The following RPL3L variants were observed in gnomAD, a reference collection of about 807,000 sequenced individuals.
RPL3L encodes the protein ribosomal protein uL3-like.
A neutral mutation model predicts 44.5 loss-of-function variants in RPL3L; 44 were observed. The observed-to-expected ratio is 0.99, with a 90% CI of 0.78 to 1.27. RPL3L has a LOEUF of 1.27. Among genes scored for constraint, RPL3L ranks in the 50% most tolerant of loss-of-function variants. The pLI is 0.00. For missense variants in RPL3L, 631 were observed against 569.1 expected, an observed-to-expected ratio of 1.11 and a Z score of -1.11; for synonymous variants, 292 against 230.7, an observed-to-expected ratio of 1.27 and a Z score of -2.41.
chr16:1,947,375 T>G lies in RPL3L; in HGVS notation c.507A>C (p.Lys169Asn). Residue 169 changes from lysine (K) to asparagine (N), a missense_variant, in exon 5 of 10, where the codon AAA (lysine) becomes AAC (asparagine). Transcript: ENST00000268661. ...VIRVIVHTQM[K>N]LLPFRQKKAH... Reference sequence around the variant, plus strand: ...CCTTCTTCTGCCGGAAGGGCAGCAGTTTCATCTGCAGGACATGGCCGGAGG... The same window carrying G: ...CCTTCTTCTGCCGGAAGGGCAGCAGGTTCATCTGCAGGACATGGCCGGAGG... 1 of 1,581,876 alleles carries G rather than the reference T, an allele frequency of 6.3e-7. No individual in the cohort carries two copies. The highest frequency in any genetic ancestry group is 8.6e-7 in the Non-Finnish European group (1 of 1,165,462).
At chr16:1,946,067 C>T in intron 7 of RPL3L, 137 bp from the exon 8 acceptor site, 2 of 669,214 alleles carry the variant, frequency 3.0e-6, no homozygotes, top group Non-Finnish European at 5.1e-6. Flanking sequence ...GTAGGGGTGA[C>T]TATCACGCCG....
At chr16:1,951,403 A>C (rs748680752) in intron 3 of RPL3L, among the ~76,000 whole-genome samples, 2 of 151,738 alleles carry the variant, frequency 1.3e-5, no homozygotes, top group Non-Finnish European at 2.9e-5. Flanking sequence ...GTTTTTGGAG[A>C]TAGGGTCTCA....
chr16:1,952,896 G>C lies in RPL3L; in HGVS notation c.343C>G (p.Arg115Gly). The change falls in exon 3 of 10, where the codon CGG (arginine) becomes GGG (glycine). Residue 115 changes from arginine to glycine, a missense_variant. Coordinates refer to ENST00000268661, the MANE Select transcript of RPL3L (RefSeq NM_005061.3). ...CACCAGTCCTTGTAGAATCGGCGCCGGCACTCATCACTGAGGTGTTCTGCA... is the reference window on the plus strand; with the variant it reads ...CACCAGTCCTTGTAGAATCGGCGCCCGCACTCATCACTGAGGTGTTCTGCA... ...IFAEHLSDEC[R>G]RRFYKDWHKS... 1 of 1,613,866 alleles carries C rather than the reference G, an allele frequency of 6.2e-7. No homozygotes were observed. The highest frequency in any genetic ancestry group is 8.5e-7 in the Non-Finnish European group (1 of 1,179,974).
chr16:1,946,218 C>G (rs779216092), intron 7 of RPL3L, among the ~76,000 whole-genome samples: 4 of 152,240 alleles, frequency 2.6e-5, no homozygotes, highest in Non-Finnish European at 5.9e-5. Flanking sequence ...CTGCTAAGTC[C>G]TGGAGATGCG....
chr16:1,945,693 C>T, intron 8 of RPL3L, 75 bp from the exon 9 acceptor site: 1 of 1,608,062 alleles, frequency 6.2e-7, no homozygotes, highest in Non-Finnish European at 8.5e-7. Context: ...CAAGCCCCAC[C>T]AGGAAGGTCT....
At position 1,944,751 on chromosome 16, in the gene RPL3L, CCT is replaced by C. The variant is rs1257965322; in HGVS notation, c.*84_*85del. On this transcript the variant is annotated 3_prime_UTR_variant, in exon 10 of 10. Coordinates refer to ENST00000268661, the MANE Select transcript of RPL3L (RefSeq NM_005061.3). ...TGGGCGGTTACACAGCGCTCTGAGA[CCT>C]CGCAGGAAGAGTCGCCTCCGGCCTT... 1.3e-6 allele frequency: 2 copies of C among 1,581,226 alleles called. No individual in the cohort carries two copies. The highest frequency in any genetic ancestry group is 2.2e-5 in the East Asian group (1 of 44,620).
intron 7 of RPL3L, 122 bp from the exon 8 acceptor site, chr16:1,946,052 C>T (rs933874039): frequency 3.9e-5 from 30 of 761,346 alleles, no homozygotes; most frequent in Non-Finnish European, 6.2e-5. Context: ...GCCCAGCCCC[C>T]AGATGTAGGG....
At chr16:1,948,131 G>T (rs2083139146) in intron 4 of RPL3L, among the ~76,000 whole-genome samples, 2 of 151,896 alleles carry the variant, frequency 1.3e-5, no homozygotes, top group East Asian at 3.9e-4. Context: ...TTGAGACAGG[G>T]TTTCACTGTG....
At chr16:1,949,266 T>C (rs1214021617) in intron 4 of RPL3L, among the ~76,000 whole-genome samples, 10 of 129,166 alleles carry the variant, frequency 7.7e-5, no homozygotes, top group Non-Finnish European at 1.6e-4. Context: ...TTTCTTTTTT[T>C]TTTTTTTTTT....
rs780526598 is a variant in RPL3L, at chr16:1,947,309, G to A, written c.573C>T (p.Ala191=). 38 of 1,612,242 alleles carry A rather than the reference G, an allele frequency of 2.4e-5. No individual in the cohort carries two copies. Among genetic ancestry groups the A allele is most frequent in the South Asian group, 1.2e-4 (11 of 91,064 alleles). Residue 191 remains alanine (A), a synonymous_variant, in exon 5 of 10, where the codon GCC becomes GCT. Transcript: ENST00000268661. ...GGGCCTGGGCCCAGGCCACCTTCTC[G>A]GCCACCGTGCCACCGTTCAGCTGGA... ...MEIQLNGGTV[A]EKVAWAQARL... is the part of the protein sequence containing the mutation.
chr16:1,947,138 G>T (rs747551138), intron 5 of RPL3L, 40 bp from the exon 6 acceptor site: 2 of 1,612,996 alleles, frequency 1.2e-6, no homozygotes, highest in Non-Finnish European at 1.7e-6. Flanking sequence ...GGCCAGGCTG[G>T]TCCCCACTGC....
intron 4 of RPL3L, among the ~76,000 whole-genome samples, chr16:1,949,987 G>T (rs1336541734): frequency 3.6e-5 from 4 of 112,222 alleles, no homozygotes; most frequent in Admixed American, 9.0e-5. Flanking sequence ...GGCAGGTATG[G>T]ACAGGGCAGG....
intron 7 of RPL3L, 107 bp downstream of exon 7, chr16:1,946,518 T>C: frequency 1.7e-6 from 2 of 1,155,222 alleles, no homozygotes; most frequent in Non-Finnish European, 2.5e-6. Context: ...CAGCTGAGGC[T>C]GGGGCATGCC....
At position 1,945,897 on chromosome 16, in the gene RPL3L, CG is replaced by C; in HGVS notation, c.984del (p.Asn328LysfsTer6). On this transcript the variant is annotated frameshift_variant, in exon 8 of 10. Coordinates refer to ENST00000268661, the MANE Select transcript of RPL3L (RefSeq NM_005061.3). LOFTEE classifies it high-confidence loss of function. ...ATACAACCCTTCAGCATGACGAAGT[CG>C]TTGTTCACTTCCCCGTAGTGGGGGA... Reference protein sequence around the residue: ...GGFPHYGEVNNDFVMLKGCIA... With the variant: ...GGFPHYGEVNXDFVMLKGCIA... The C allele has an allele frequency of 1.2e-6, 2 of 1,613,486 alleles. No individual in the cohort carries two copies. The highest frequency in any genetic ancestry group is 1.7e-6 in the Non-Finnish European group (2 of 1,179,756).
At chr16:1,944,958 C>T (rs2083109558) in intron 9 of RPL3L, 65 bp from the exon 10 acceptor site, 1 of 1,606,796 alleles carries the variant, frequency 6.2e-7, no homozygotes, top group East Asian at 2.2e-5. Context: ...CCTCCCCCAG[C>T]CAGGCTCTAG....
rs539127097 is a variant in RPL3L at position 1,950,753 on chromosome 16, T to G, written c.501+91A>C. Reference sequence around the variant, plus strand: ...TGGGTCTGTGCCGAGGCTCGGGTATTTTTAGGCTGACATTTGCCACAGCTC... The same window carrying G: ...TGGGTCTGTGCCGAGGCTCGGGTATGTTTAGGCTGACATTTGCCACAGCTC... On this transcript the variant is annotated intron_variant, in intron 4 of 9. Coordinates refer to ENST00000268661, the MANE Select transcript of RPL3L (RefSeq NM_005061.3). The G allele has an allele frequency of 5.8e-5, 92 of 1,599,560 alleles. No individual in the cohort carries two copies. In the East Asian group the frequency reaches 2.0e-3, roughly 35 times the overall value.
rs771096525 is a variant in RPL3L, at chr16:1,946,632, G to A, written c.944C>T (p.Thr315Ile). ...TSYDVTAKSI[T>I]PLGGFPHYGE... ...GCCCCCTCCCAGCCTCACCAGCGGT[G>A]TGATGGACTTGGCAGTCACGTCGTA... Residue 315 changes from threonine (T) to isoleucine (I), a missense_variant, in exon 7 of 10, where the codon ACA becomes ATA. By Grantham distance (89) the Thr-to-Ile change is moderately conservative (BLOSUM62 -1). Coordinates refer to ENST00000268661, the MANE Select transcript of RPL3L (RefSeq NM_005061.3). 5 of 1,612,340 alleles carry A rather than the reference G, an allele frequency of 3.1e-6. No homozygotes were observed. The highest frequency in any genetic ancestry group is 1.3e-5 in the African/African-American group (1 of 74,954).
At chr16:1,954,500 C>T (rs190713830) in intron 1 of RPL3L, 129 bp downstream of exon 1, 492 of 1,091,532 alleles carry the variant, frequency 4.5e-4, no homozygotes, top group Non-Finnish European at 5.9e-4. Context: ...CTTGTTTCCC[C>T]CTCCAGCCTC....
chr16:1,946,677 T>C lies in RPL3L; in HGVS notation c.899A>G (p.Lys300Arg), dbSNP rs145900208. 16 of 1,612,748 alleles carry C rather than the reference T, an allele frequency of 9.9e-6. No individual in the cohort carries two copies. The highest frequency in any genetic ancestry group is 1.3e-5 in the African/African-American group (1 of 74,960). Residue 300 changes from lysine (K) to arginine (R), a missense_variant, in exon 7 of 10, where the codon AAG becomes AGG. Lys to Arg is a conservative substitution (Grantham distance 26). Transcript: ENST00000268661. ...GTCGTAGCTGGTGGATGCATTGTTC[T>C]TCACCAGCTTCCCGTCCTCCATGTG... ...GPHMEDGKLVKNNASTSYDVT... is the reference protein window; with the variant it reads ...GPHMEDGKLVRNNASTSYDVT...
Sources: gnomAD v4.1 joint callset for allele counts (sites outside exome capture counted in the v4.1 genomes callset) on GRCh38, gnomAD v4.1.1 for gene constraint, MANE v1.5 for transcripts, NCBI Gene and HGNC (gene_info 2026-07-23, HGNC 2026-07-21) for gene names.